The following KCNB2 variants were observed in gnomAD, a reference collection of about 807,000 sequenced individuals.
KCNB2 encodes the protein potassium voltage-gated channel subfamily B member 2, also known as delayed rectifier potassium channel protein.
Under a neutral mutation model 61.5 loss-of-function variants are expected in KCNB2, and 15 were observed. The observed-to-expected ratio is 0.24, with a 90% CI of 0.16 to 0.38. KCNB2 has a LOEUF of 0.38. Ranked by LOEUF, KCNB2 falls within the 10% of genes least tolerant of loss-of-function variation. KCNB2 has a pLI of 1.00. For missense variants in KCNB2, 828 were observed against 1,125.2 expected (o/e 0.74, Z 3.78); for synonymous variants, 457 against 446.0 (o/e 1.02, Z -0.31).
At chr8:72,557,318 A>T (rs891805604) in intron 1 of KCNB2, among the ~76,000 whole-genome samples, 6 of 152,216 alleles carry the variant, frequency 3.9e-5, no homozygotes, top group Admixed American at 3.9e-4. Context: ...TATTATTCGG[A>T]AAGAGAAGAG....
At chr8:72,622,647 A>G (rs900383841) in intron 2 of KCNB2, among the ~76,000 whole-genome samples, 8 of 152,198 alleles carry the variant, frequency 5.3e-5, no homozygotes, top group Admixed American at 2.6e-4. Flanking sequence ...TCTACTGTGC[A>G]CCTTCTTTGA....
intron 2 of KCNB2, among the ~76,000 whole-genome samples, chr8:72,823,514 T>A (rs1263145532): frequency 6.6e-6 from 1 of 152,174 alleles, no homozygotes; most frequent in East Asian, 1.9e-4. Context: ...ATTTGATACC[T>A]GTCATACTCT....
chr8:72,569,812 G>A (rs1311189234), intron 2 of KCNB2, among the ~76,000 whole-genome samples: 1 of 152,096 alleles, frequency 6.6e-6, no homozygotes, highest in African/African-American at 2.4e-5. Context: ...ATTCTTTCAA[G>A]CCTTTAGGCA....
chr8:72,576,106 A>T (rs1806790804), intron 2 of KCNB2, among the ~76,000 whole-genome samples: 1 of 152,252 alleles, frequency 6.6e-6, no homozygotes, highest in African/African-American at 2.4e-5. Context: ...TATAGGAAAA[A>T]ACAAAACAGC....
At chr8:72,798,229 T>A (rs1809062523) in intron 2 of KCNB2, among the ~76,000 whole-genome samples, 1 of 152,176 alleles carries the variant, frequency 6.6e-6, no homozygotes, top group African/African-American at 2.4e-5. Flanking sequence ...CCATAGGAAC[T>A]TTCCTGTTAT....
intron 2 of KCNB2, among the ~76,000 whole-genome samples, chr8:72,809,128 A>T (rs1278828076): frequency 6.6e-6 from 1 of 152,078 alleles, no homozygotes; most frequent in Non-Finnish European, 1.5e-5. Flanking sequence ...GTGGCCCATT[A>T]AGTTATCTTA....
chr8:72,931,198 T>C (rs180790781), intron 2 of KCNB2, among the ~76,000 whole-genome samples: 7,534 of 152,290 alleles, frequency 0.049, 588 homozygotes, highest in African/African-American at 0.17. Context: ...TTGGTTACTG[T>C]AGTCTTGTAG....
At chr8:72,801,516 T>A (rs927881804) in intron 2 of KCNB2, among the ~76,000 whole-genome samples, 2 of 152,148 alleles carry the variant, frequency 1.3e-5, no homozygotes, top group Non-Finnish European at 2.9e-5. Flanking sequence ...CCATACCTAA[T>A]TTTTTTTCCG....
intron 2 of KCNB2, among the ~76,000 whole-genome samples, chr8:72,617,494 G>A (rs909273431): frequency 1.3e-5 from 2 of 151,892 alleles, no homozygotes; most frequent in African/African-American, 4.8e-5. Context: ...TTGAGTGGCA[G>A]GATCAACTTC....
At chr8:72,577,038 G>C (rs7010480) in intron 2 of KCNB2, among the ~76,000 whole-genome samples, 1 of 151,968 alleles carries the variant, frequency 6.6e-6, no homozygotes, top group Non-Finnish European at 1.5e-5. Flanking sequence ...TTTATTTTTG[G>C]CTGTGCATAT....
intron 2 of KCNB2, among the ~76,000 whole-genome samples, chr8:72,578,943 G>T (rs1806846912): frequency 6.6e-6 from 1 of 152,158 alleles, no homozygotes; most frequent in South Asian, 2.1e-4. Context: ...GGCTGTGGTG[G>T]GGTGGGTGGC....
chr8:72,870,591 C>CT (rs112731798), intron 2 of KCNB2, among the ~76,000 whole-genome samples: 2,584 of 152,246 alleles, frequency 0.017, 64 homozygotes, highest in African/African-American at 0.052. Flanking sequence ...TCAAATGTCA[C>CT]TTTTTTCCAC....
In KCNB2 at chr8:72,821,651, A is replaced by C. The variant is rs1252636873; in HGVS notation, c.580-114284A>C. Among the ~76,000 whole-genome samples the C allele has an allele frequency of 3.1e-3, 469 of 150,510 alleles. 2 individuals are homozygous for C. The highest frequency in any genetic ancestry group is 0.011 in the African/African-American group (435 of 41,140). ...ACACACAAAAAAAAACAAAAAAAAA[A>C]AAAAAAAAACACACACACACCAAGC... is the stretch of plus-strand genomic sequence containing the variant. On this transcript the variant is annotated intron_variant, in intron 2 of 2. Transcript: ENST00000523207.
At chr8:72,685,863 C>G (rs1011193666) in intron 2 of KCNB2, among the ~76,000 whole-genome samples, 6 of 152,190 alleles carry the variant, frequency 3.9e-5, no homozygotes, top group Non-Finnish European at 7.3e-5. Context: ...GTGGCGCATG[C>G]CTGTAATTCC....
chr8:72,619,166 G>A (rs1805668604), intron 2 of KCNB2: 3 of 352,966 alleles, frequency 8.5e-6, no homozygotes, highest in South Asian at 7.6e-5. Context: ...CTTCAGTTTG[G>A]GATTTTGTTT....
intron 2 of KCNB2, among the ~76,000 whole-genome samples, chr8:72,715,273 A>G (rs2128992219): frequency 6.6e-6 from 1 of 152,312 alleles, no homozygotes; most frequent in East Asian, 1.9e-4. Context: ...GTTAACAAGG[A>G]TATCCAGGAA....
At chr8:72,611,318 A>T (rs1015774945) in intron 2 of KCNB2, among the ~76,000 whole-genome samples, 1 of 152,162 alleles carries the variant, frequency 6.6e-6, no homozygotes, top group Admixed American at 6.6e-5. Flanking sequence ...TTGTAATAAA[A>T]ATTATCTAAA....
At chr8:72,617,801 G>A (rs370484972) in intron 2 of KCNB2, among the ~76,000 whole-genome samples, 2 of 151,998 alleles carry the variant, frequency 1.3e-5, no homozygotes, top group African/African-American at 2.4e-5. Context: ...CCACCTCCCC[G>A]CCGGCCCCGG....
At chr8:72,777,768 A>C (rs1406148753) in intron 2 of KCNB2, among the ~76,000 whole-genome samples, 1 of 152,232 alleles carries the variant, frequency 6.6e-6, no homozygotes, top group African/African-American at 2.4e-5. Flanking sequence ...GTAGTATAAT[A>C]CAGGACATTC....
Sources: gnomAD v4.1 joint callset for allele counts (sites outside exome capture counted in the v4.1 genomes callset) on GRCh38, gnomAD v4.1.1 for gene constraint, MANE v1.5 for transcripts, NCBI Gene and HGNC (gene_info 2026-07-23, HGNC 2026-07-21) for gene names.